The following ORM1 variants were observed in gnomAD, a reference collection of about 807,000 sequenced individuals.
ORM1 encodes alpha-1-acid glycoprotein 1.
ORM1 carries 13 observed loss-of-function variants against 26.9 expected under a neutral mutation model. The observed-to-expected ratio is 0.48, with a 90% CI of 0.31 to 0.77. The LOEUF (loss-of-function observed/expected upper bound fraction) is 0.77. Ranked by LOEUF, ORM1 falls within the 30% of genes least tolerant of loss-of-function variation. The probability of loss-of-function intolerance (pLI) is 0.04; values close to 1 mark genes in which losing one functional copy is unlikely to be tolerated. For synonymous variants in ORM1, 76 were observed against 102.2 expected, an observed-to-expected ratio of 0.74 and a Z score of 1.55; for missense variants, 189 against 246.8, an observed-to-expected ratio of 0.77 and a Z score of 1.57.
chr9:114,323,458 G>A (rs533597492), intron 1 of ORM1: 18 of 860,796 alleles, frequency 2.1e-5, no homozygotes, highest in East Asian at 1.6e-4. Context: ...AGTCCTTCAC[G>A]GAGGACGGTT....
rs759689513 is a variant in ORM1 at position 114,323,650 on chromosome 9, A to C, written c.115-13A>C. The C allele has an allele frequency of 9.5e-4, 1,525 of 1,611,524 alleles. 13 individuals carry two copies. Among genetic ancestry groups the C allele is most frequent in the South Asian group, 2.4e-3 (222 of 90,614 alleles). On this transcript the variant is annotated splice_polypyrimidine_tract_variant and intron_variant, in intron 1 of 5. Coordinates refer to ENST00000259396, the MANE Select transcript of ORM1 (RefSeq NM_000607.4). ...CATCAAGCCCCCATCACCAGCTCCC[A>C]CCTTCTCCCCAGATCACTGGCAAGT...
Position 114,326,244 on chromosome 9 carries a change from C to G in ORM1, c.541-48C>G, listed in dbSNP as rs776844930. 3 of 1,593,406 alleles carry G rather than the reference C, an allele frequency of 1.9e-6. No individual in the cohort carries two copies. In the South Asian group the frequency reaches 3.4e-5, roughly 18 times the overall value. On this transcript the variant is annotated intron_variant, in intron 5 of 5. Transcript: ENST00000259396. Reference sequence around the variant, plus strand: ...CTCCCTGGAAGACCTCCCACCCTGTCCCCATGCCTCTGCTTCTCCCTCACC... The same window carrying G: ...CTCCCTGGAAGACCTCCCACCCTGTGCCCATGCCTCTGCTTCTCCCTCACC...
At chr9:114,324,991 C>A in intron 4 of ORM1, 58 bp from the exon 5 acceptor site, 7 of 1,596,254 alleles carry the variant, frequency 4.4e-6, no homozygotes, top group Non-Finnish European at 6.0e-6. Context: ...CCCAGCCCTC[C>A]CTGGCCTCCC....
Position 114,323,773 on chromosome 9 carries a change from G to A in ORM1, c.225G>A (p.Glu75=). 1 of 1,614,066 alleles carries A rather than the reference G, an allele frequency of 6.2e-7. No homozygotes were observed. The highest frequency in any genetic ancestry group is 1.1e-5 in the South Asian group (1 of 91,074). The change falls in exon 2 of 6, where the codon GAG becomes GAA. Residue 75 remains glutamate, a synonymous_variant. Coordinates refer to ENST00000259396, the MANE Select transcript of ORM1 (RefSeq NM_000607.4). Reference sequence around the variant, plus strand: ...TTTACTTCACCCCCAACAAGACAGAGGACACGATCTTTCTCAGAGAGTACC... The same window carrying A: ...TTTACTTCACCCCCAACAAGACAGAAGACACGATCTTTCTCAGAGAGTACC... The part of the protein sequence containing the change: ...TFFYFTPNKT[E]DTIFLREYQT...
At position 114,324,839 on chromosome 9, in the gene ORM1, G is replaced by C. The variant is rs1465633357; in HGVS notation, c.378G>C (p.Lys126Asn). Residue 126 changes from lysine to asparagine, a missense_variant, in exon 4 of 6, where the codon AAG becomes AAC. By Grantham distance (94) the Lys-to-Asn change is moderately conservative. Coordinates refer to ENST00000259396, the MANE Select transcript of ORM1 (RefSeq NM_000607.4). The stretch of plus-strand genomic sequence containing the variant: ...ACTTGCTGATCCTCAGGGACACCAA[G>C]ACCTACATGCTTGCTTTTGACGTGA... ...FAHLLILRDT[K>N]TYMLAFDVND... 1.9e-6 allele frequency: 3 copies of C among 1,614,202 alleles called. No individual in the cohort carries two copies. Among genetic ancestry groups the C allele is most frequent in the East Asian group, 2.2e-5 (1 of 44,878 alleles).
Position 114,325,133 on chromosome 9 carries a change from T to C in ORM1, c.521T>C (p.Val174Ala), listed in dbSNP as rs1377923143. Reference sequence around the variant, plus strand: ...TTGCGCATTCCCAAGTCAGATGTCGTGTACACCGATTGGAAAAAGGTAAAC... The same window carrying C: ...TTGCGCATTCCCAAGTCAGATGTCGCGTACACCGATTGGAAAAAGGTAAAC... Reference protein sequence around the residue: ...DCLRIPKSDVVYTDWKKDKCE... With the variant: ...DCLRIPKSDVAYTDWKKDKCE... The change falls in exon 5 of 6, where the codon GTG becomes GCG. Residue 174 changes from valine to alanine, a missense_variant. Physicochemically the swap from Val to Ala is moderately conservative, Grantham distance 64 (BLOSUM62 0). This residue lies in a region of ORM1 where 163 missense variants were observed against 157.7 expected (regional missense o/e 1.03). Transcript: ENST00000259396. 3 of 1,613,902 alleles carry C rather than the reference T, an allele frequency of 1.9e-6. No homozygotes were observed. Among genetic ancestry groups the C allele is most frequent in the Admixed American group, 1.7e-5 (1 of 60,002 alleles).
intron 1 of ORM1, 49 bp downstream of exon 1, chr9:114,323,296 C>T: frequency 6.2e-7 from 1 of 1,613,378 alleles, no homozygotes. Context: ...AGCTGCCTCC[C>T]TTCTCTGGGC....
chr9:114,323,311 C>A (rs1829713995), intron 1 of ORM1, 64 bp downstream of exon 1: 1 of 1,613,504 alleles, frequency 6.2e-7, no homozygotes, highest in African/African-American at 1.3e-5. Context: ...CTGGGCTTCC[C>A]TTTCCCTGCT....
chr9:114,323,761 C>G lies in ORM1; in HGVS notation c.213C>G (p.Pro71=), dbSNP rs1160786782. The G allele has an allele frequency of 1.2e-6, 2 of 1,614,004 alleles. No homozygotes were observed. Among genetic ancestry groups the G allele is most frequent in the Admixed American group, 3.3e-5 (2 of 60,012 alleles). ...EIQATFFYFT[P]NKTEDTIFLR... ...AAGCAACCTTCTTTTACTTCACCCC[C>G]AACAAGACAGAGGACACGATCTTTC... is the stretch of plus-strand genomic sequence containing the variant. The change falls in exon 2 of 6, where the codon CCC becomes CCG. Residue 71 remains proline, a synonymous_variant. Coordinates refer to ENST00000259396, the MANE Select transcript of ORM1 (RefSeq NM_000607.4).
At position 114,324,738 on chromosome 9, in the gene ORM1, A is replaced by G. The variant is rs187583160; in HGVS notation, c.329-52A>G. 3.5e-4 allele frequency: 495 copies of G among 1,434,694 alleles called. 5 individuals are homozygous for G. The highest frequency in any genetic ancestry group is 2.8e-3 in the Middle Eastern group (16 of 5,658). The allele number at this position is 1,434,694 out of a possible 1,614,324, so 88.9% of individuals were successfully genotyped here. On this transcript the variant is annotated intron_variant, in intron 3 of 5. Transcript: ENST00000259396. ...CTAGGCCTCCTCACCTGTAAGACAG[A>G]CACCATTGTGCCATCCCATGTTCTC...
chr9:114,324,506 T>C (rs1419181627), intron 3 of ORM1, among the ~76,000 whole-genome samples: 1 of 152,148 alleles, frequency 6.6e-6, no homozygotes, highest in African/African-American at 2.4e-5. Flanking sequence ...TGACACCATT[T>C]AGCATCCCGA....
intron 5 of ORM1, chr9:114,325,393 A>T (rs1829754147): frequency 2.3e-6 from 1 of 427,182 alleles, no homozygotes; most frequent in African/African-American, 2.0e-5. Flanking sequence ...ACAGGAGGGA[A>T]CAGCGTGAGC....
rs1459880699 is a variant in ORM1, at chr9:114,324,013, T to C, written c.258-5T>C. On this transcript the variant is annotated splice_polypyrimidine_tract_variant and splice_region_variant and intron_variant, in intron 2 of 5. Transcript: ENST00000259396. ...GTTTTCCTTCCGCCTTCTGTTTGGC[T>C]TTAGACAGGACCAGTGCATCTATAA... The C allele has an allele frequency of 3.1e-6, 5 of 1,613,788 alleles. No homozygotes were observed. The highest frequency in any genetic ancestry group is 4.2e-6 in the Non-Finnish European group (5 of 1,179,914).
Position 114,323,714 on chromosome 9 carries a change from A to C in ORM1, c.166A>C (p.Asn56His), listed in dbSNP as rs1829721324. ...IASAFRNEEY[N>H]KSVQEIQATF... ...ATCGGCCTTTCGAAACGAGGAGTACAATAAGTCGGTTCAGGAGATCCAAGC... is the reference window on the plus strand; with the variant it reads ...ATCGGCCTTTCGAAACGAGGAGTACCATAAGTCGGTTCAGGAGATCCAAGC... Residue 56 changes from asparagine (N) to histidine (H), a missense_variant, in exon 2 of 6, where the codon AAT becomes CAT. Physicochemically the swap from Asn to His is moderately conservative, Grantham distance 68. Coordinates refer to ENST00000259396, the MANE Select transcript of ORM1 (RefSeq NM_000607.4). The C allele has an allele frequency of 3.1e-6, 5 of 1,614,032 alleles. No homozygotes were observed. In the Middle Eastern group the frequency reaches 5.0e-4, roughly 160 times the overall value.
chr9:114,324,555 G>A (rs532416658), intron 3 of ORM1, among the ~76,000 whole-genome samples: 17 of 152,106 alleles, frequency 1.1e-4, no homozygotes, highest in Admixed American at 3.3e-4. Flanking sequence ...TCTGTAAAAC[G>A]GAGAAAGGCC....
intron 1 of ORM1, 174 bp downstream of exon 1, chr9:114,323,421 C>T (rs541575632): frequency 1.2e-6 from 1 of 825,318 alleles, no homozygotes; most frequent in East Asian, 2.7e-5. Context: ...GCACCCCCTG[C>T]CTCCAAACAC....
rs779768340 is a variant in ORM1 at position 114,325,108 on chromosome 9, T to G, written c.496T>G (p.Leu166Val). The change falls in exon 5 of 6, where the codon TTG (leucine) becomes GTG (valine). Residue 166 changes from leucine (L) to valine (V), a missense_variant. Leu to Val is a conservative substitution (Grantham distance 32). Coordinates refer to ENST00000259396, the MANE Select transcript of ORM1 (RefSeq NM_000607.4). Reference protein sequence around the residue: ...LGEFYEALDCLRIPKSDVVYT... With the variant: ...LGEFYEALDCVRIPKSDVVYT... Reference sequence around the variant, plus strand: ...AGAGTTCTACGAAGCTCTCGACTGCTTGCGCATTCCCAAGTCAGATGTCGT... The same window carrying G: ...AGAGTTCTACGAAGCTCTCGACTGCGTGCGCATTCCCAAGTCAGATGTCGT... The G allele has an allele frequency of 2.5e-6, 4 of 1,614,022 alleles. No homozygotes were observed. In the Admixed American group the frequency reaches 6.7e-5, roughly 27 times the overall value.
intron 5 of ORM1, among the ~76,000 whole-genome samples, chr9:114,326,019 C>T (rs368484500): frequency 4.0e-5 from 6 of 150,788 alleles, no homozygotes. Flanking sequence ...TCAGGAGCTG[C>T]AGCATAAGGG....
At chr9:114,325,001 C>G in intron 4 of ORM1, 48 bp from the exon 5 acceptor site, 2 of 1,601,002 alleles carry the variant, frequency 1.2e-6, no homozygotes. Flanking sequence ...CCTGGCCTCC[C>G]GCCGGGCCCC....
Sources: gnomAD v4.1 joint callset for allele counts (sites outside exome capture counted in the v4.1 genomes callset) on GRCh38, gnomAD v4.1.1 for gene constraint, gnomAD v4.1.1 regional missense constraint, MANE v1.5 for transcripts, NCBI Gene and HGNC (gene_info 2026-07-23, HGNC 2026-07-21) for gene names.